The following MTUS2 variants were observed in gnomAD, a reference collection of about 807,000 sequenced individuals.
The protein encoded by MTUS2 is microtubule-associated tumor suppressor candidate 2.
A neutral mutation model predicts 114.1 loss-of-function variants in MTUS2; 40 were observed. The ratio of observed to expected loss-of-function variants is 0.35; its 90% CI spans 0.27 to 0.46. MTUS2 has a LOEUF of 0.46. MTUS2 is among the 20% of genes least tolerant of loss of function. The probability of loss-of-function intolerance (pLI) is 1.00; values close to 1 mark genes in which losing one functional copy is unlikely to be tolerated. For missense variants in MTUS2, 1,679 were observed against 1,705.4 expected (o/e 0.98, Z 0.27); for synonymous variants, 688 against 672.0 (o/e 1.02, Z -0.37).
intron 6 of MTUS2, among the ~76,000 whole-genome samples, chr13:29,289,135 A>G (rs945126605): frequency 1.3e-5 from 2 of 152,266 alleles, no homozygotes; most frequent in Non-Finnish European, 1.5e-5. Flanking sequence ...TCAGAGCTCC[A>G]GGACTAAGTA....
chr13:29,175,479 G>T (rs145338236), intron 5 of MTUS2, among the ~76,000 whole-genome samples: 40 of 152,234 alleles, frequency 2.6e-4, no homozygotes, highest in African/African-American at 8.7e-4. Context: ...CCACTTATAC[G>T]TGGGCTAAAA....
chr13:29,277,696 TTTTGTGA>T (rs1898116542), intron 5 of MTUS2, among the ~76,000 whole-genome samples: 1 of 152,192 alleles, frequency 6.6e-6, no homozygotes, highest in African/African-American at 2.4e-5. Context: ...CCTTGATGGC[TTTTGTGA>T]CTGAGTTCCA....
intron 9 of MTUS2, among the ~76,000 whole-genome samples, chr13:29,479,789 A>G (rs1032140449): frequency 1.3e-5 from 2 of 152,158 alleles, no homozygotes; most frequent in Admixed American, 6.5e-5. Flanking sequence ...CAGAGTCTAC[A>G]TTTTTACCAA....
chr13:28,869,996 C>A (rs762499569), intron 2 of MTUS2, among the ~76,000 whole-genome samples: 26 of 151,934 alleles, frequency 1.7e-4, no homozygotes, highest in Non-Finnish European at 2.8e-4. Flanking sequence ...TTAAAGTTGA[C>A]AATAATAATT....
At chr13:28,932,518 G>A (rs543234721) in intron 2 of MTUS2, among the ~76,000 whole-genome samples, 1 of 152,266 alleles carries the variant, frequency 6.6e-6, no homozygotes, top group Non-Finnish European at 1.5e-5. Context: ...GATTCTACTT[G>A]TGTGCCTGGG....
At chr13:29,153,988 G>T (rs1892761794) in intron 5 of MTUS2, among the ~76,000 whole-genome samples, 2 of 152,182 alleles carry the variant, frequency 1.3e-5, no homozygotes, top group Non-Finnish European at 2.9e-5. Flanking sequence ...ACAGTCAGGG[G>T]CATCCAAAAG....
At chr13:29,318,696 G>A (rs1205339180) in intron 6 of MTUS2, among the ~76,000 whole-genome samples, 1 of 152,104 alleles carries the variant, frequency 6.6e-6, no homozygotes, top group Admixed American at 6.5e-5. Flanking sequence ...ACACAATGGT[G>A]CTTCTGCCAG....
rs183364716 is a variant in MTUS2 at position 29,261,245 on chromosome 13, A to C, written c.2645-20459A>C. Among the ~76,000 whole-genome samples the C allele has an allele frequency of 1.1e-3, 167 of 152,326 alleles. 1 individual carries two copies. In the East Asian group the frequency reaches 0.027, roughly 25 times the overall value. On this transcript the variant is annotated intron_variant, in intron 5 of 15. Transcript: ENST00000612955. Reference sequence around the variant, plus strand: ...AGACTGTTCAATTTCTTCTCCTTTAAAGATTTCATATTCCCCAGAAGCTAA... The same window carrying C: ...AGACTGTTCAATTTCTTCTCCTTTACAGATTTCATATTCCCCAGAAGCTAA...
intron 2 of MTUS2, among the ~76,000 whole-genome samples, chr13:28,995,187 G>A (rs1198065321): frequency 1.3e-5 from 2 of 152,152 alleles, no homozygotes; most frequent in African/African-American, 4.8e-5. Context: ...TTTTTGCCAG[G>A]TTTGTCAAAG....
intron 7 of MTUS2, among the ~76,000 whole-genome samples, chr13:29,325,525 GGAGGAAGGAGAAGAAAA>G (rs1194654759): frequency 2.8e-5 from 4 of 140,966 alleles, no homozygotes; most frequent in Admixed American, 7.1e-5. Context: ...GGAGGAGGAG[GGAGGAAGGAGAAGAAAA>G]GAAGAAGGAA....
At chr13:29,237,565 G>T (rs1003057978) in intron 5 of MTUS2, among the ~76,000 whole-genome samples, 3 of 152,116 alleles carry the variant, frequency 2.0e-5, no homozygotes, top group Non-Finnish European at 2.9e-5. Context: ...TGGACCCAGT[G>T]CCCACAGGAC....
chr13:29,003,332 G>A (rs1037203047), intron 2 of MTUS2, among the ~76,000 whole-genome samples: 1 of 152,208 alleles, frequency 6.6e-6, no homozygotes, highest in Non-Finnish European at 1.5e-5. Context: ...CAGCTCAAGT[G>A]CATCCAGCTG....
chr13:29,219,736 C>T (rs1438026290), intron 5 of MTUS2, among the ~76,000 whole-genome samples: 3 of 152,190 alleles, frequency 2.0e-5, no homozygotes, highest in Non-Finnish European at 4.4e-5. Flanking sequence ...GCCGCTTTTC[C>T]ATCAGTACTT....
At chr13:29,119,087 G>A (rs550450800) in intron 5 of MTUS2, among the ~76,000 whole-genome samples, 2 of 152,154 alleles carry the variant, frequency 1.3e-5, no homozygotes, top group East Asian at 3.9e-4. Context: ...CGTTTTCTAT[G>A]TATAATATTA....
intron 5 of MTUS2, among the ~76,000 whole-genome samples, chr13:29,111,821 G>GT (rs982282091): frequency 3.9e-5 from 6 of 152,010 alleles, no homozygotes; most frequent in Non-Finnish European, 8.8e-5. Context: ...ATGTCAGAGG[G>GT]TTTTTTGGGC....
chr13:29,178,137 A>T (rs917646098), intron 5 of MTUS2, among the ~76,000 whole-genome samples: 1 of 152,198 alleles, frequency 6.6e-6, no homozygotes, highest in Non-Finnish European at 1.5e-5. Context: ...TAGAATTTAC[A>T]GCGAACTACC....
At chr13:29,312,362 A>G (rs1470410983) in intron 6 of MTUS2, among the ~76,000 whole-genome samples, 1 of 152,226 alleles carries the variant, frequency 6.6e-6, no homozygotes, top group East Asian at 1.9e-4. Flanking sequence ...AAATGAATGA[A>G]TAAAGGAATG....
At chr13:29,117,612 A>G (rs1201469130) in intron 5 of MTUS2, among the ~76,000 whole-genome samples, 1 of 152,190 alleles carries the variant, frequency 6.6e-6, no homozygotes, top group Non-Finnish European at 1.5e-5. Flanking sequence ...TCTTGCACAA[A>G]TAAGTGGGAC....
At chr13:29,414,469 A>G (rs9506180) in intron 8 of MTUS2, among the ~76,000 whole-genome samples, 1 of 7,876 alleles carries the variant, frequency 1.3e-4, no homozygotes, top group Non-Finnish European at 4.9e-4. Context: ...AAAAAAAATT[A>G]AAAAAAAAAA....
Sources: gnomAD v4.1 joint callset for allele counts (sites outside exome capture counted in the v4.1 genomes callset) on GRCh38, gnomAD v4.1.1 for gene constraint, MANE v1.5 for transcripts, NCBI Gene and HGNC (gene_info 2026-07-23, HGNC 2026-07-21) for gene names.